The following FAM185A variants were observed in gnomAD, a reference collection of about 807,000 sequenced individuals.
The protein encoded by FAM185A is protein FAM185A.
In FAM185A, 21 loss-of-function variants were observed where a neutral mutation model predicts 45.7. The observed-to-expected ratio is 0.46, with a 90% confidence interval of 0.33 to 0.66. FAM185A has a LOEUF of 0.66. Among genes scored for constraint, FAM185A ranks in the 30% least tolerant of loss-of-function variants. The pLI is 0.03. For synonymous variants in FAM185A, 117 were observed against 194.0 expected (o/e 0.60, Z 3.30); for missense variants, 305 against 485.4 (o/e 0.63, Z 3.49).
intron 6 of FAM185A, among the ~76,000 whole-genome samples, chr7:102,778,090 G>A (rs1054115328): frequency 1.3e-5 from 2 of 152,218 alleles, no homozygotes; most frequent in African/African-American, 4.8e-5. Context: ...TAGTCTAGCA[G>A]CTCTTGCATG....
At chr7:102,776,717 A>AAAG (rs1448040916) in intron 5 of FAM185A, among the ~76,000 whole-genome samples, 1 of 151,366 alleles carries the variant, frequency 6.6e-6, no homozygotes, top group African/African-American at 2.4e-5. Context: ...AAAAAAAAAA[A>AAAG]AAGAAAAAAA....
the FAM185A span, among the ~76,000 whole-genome samples, chr7:102,837,421 T>C: frequency 6.6e-6 from 1 of 152,214 alleles, no homozygotes; most frequent in Non-Finnish European, 1.5e-5. Flanking sequence ...CCAAAGACAC[T>C]TTCATGATGA....
chr7:102,789,112 G>C (rs1448827380), intron 7 of FAM185A, among the ~76,000 whole-genome samples: 1 of 152,128 alleles, frequency 6.6e-6, no homozygotes, highest in East Asian at 1.9e-4. Context: ...ATTAGCCTTA[G>C]TTTACTGTAA....
chr7:102,771,359 T>C (rs1222002647), intron 4 of FAM185A, among the ~76,000 whole-genome samples: 1 of 152,114 alleles, frequency 6.6e-6, no homozygotes, highest in Non-Finnish European at 1.5e-5. Flanking sequence ...ATCTAAAATA[T>C]GAAAAAAAAT....
chr7:102,845,452 A>C, the FAM185A span, among the ~76,000 whole-genome samples: 1 of 152,178 alleles, frequency 6.6e-6, no homozygotes, highest in African/African-American at 2.4e-5. Flanking sequence ...TCACATACTC[A>C]CAAGAAGAGA....
intron 7 of FAM185A, among the ~76,000 whole-genome samples, chr7:102,806,705 A>G (rs1797135010): frequency 6.6e-6 from 1 of 152,200 alleles, no homozygotes; most frequent in African/African-American, 2.4e-5. Context: ...CATAACCTTG[A>G]TTTGTAAAGA....
chr7:102,807,259 G>A (rs924485589), intron 7 of FAM185A, among the ~76,000 whole-genome samples: 5 of 152,106 alleles, frequency 3.3e-5, no homozygotes, highest in Non-Finnish European at 7.4e-5. Context: ...ATTTTTGGGA[G>A]TGATGAATAT....
chr7:102,791,853 C>T (rs981390947), intron 7 of FAM185A, among the ~76,000 whole-genome samples: 1 of 151,810 alleles, frequency 6.6e-6, no homozygotes, highest in African/African-American at 2.4e-5. Context: ...CAGCCACAGG[C>T]CTTATGTATC....
chr7:102,761,016 A>G (rs1286294642), intron 3 of FAM185A, among the ~76,000 whole-genome samples: 1 of 152,230 alleles, frequency 6.6e-6, no homozygotes, highest in Non-Finnish European at 1.5e-5. Flanking sequence ...AGAATTTTAT[A>G]TAGGACATAT....
chr7:102,774,731 T>C (rs1471523336), intron 5 of FAM185A, among the ~76,000 whole-genome samples: 3 of 152,246 alleles, frequency 2.0e-5, no homozygotes, highest in African/African-American at 7.2e-5. Context: ...TGACCAACTA[T>C]ACTGACTGAT....
the FAM185A span, among the ~76,000 whole-genome samples, chr7:102,825,674 C>G: frequency 6.6e-6 from 1 of 152,106 alleles, no homozygotes; most frequent in African/African-American, 2.4e-5. Context: ...ATATAAGGAC[C>G]AGTTTCACTG....
At chr7:102,796,501 CTAAACTA>C (rs1254188960) in intron 7 of FAM185A, among the ~76,000 whole-genome samples, 2 of 152,200 alleles carry the variant, frequency 1.3e-5, no homozygotes, top group Non-Finnish European at 2.9e-5. Context: ...GGTTTCAAAG[CTAAACTA>C]TAAACTAAGT....
chr7:102,790,319 G>T (rs1238265464), intron 7 of FAM185A, among the ~76,000 whole-genome samples: 1 of 152,144 alleles, frequency 6.6e-6, no homozygotes, highest in African/African-American at 2.4e-5. Flanking sequence ...CTAGGTGATA[G>T]GAGTTTTTTA....
At chr7:102,824,357 G>C in the FAM185A span, among the ~76,000 whole-genome samples, 1 of 152,060 alleles carries the variant, frequency 6.6e-6, no homozygotes, top group South Asian at 2.1e-4. Context: ...AGCAATAATA[G>C]CAAAGGAAAG....
chr7:102,795,639 C>G (rs1796401427), intron 7 of FAM185A, among the ~76,000 whole-genome samples: 3 of 152,064 alleles, frequency 2.0e-5, no homozygotes, highest in African/African-American at 7.3e-5. Context: ...GTTCACAGGA[C>G]AAAGTACCAG....
At chr7:102,820,614 T>C in the FAM185A span, among the ~76,000 whole-genome samples, 1 of 152,228 alleles carries the variant, frequency 6.6e-6, no homozygotes. Flanking sequence ...TGGTCCATTT[T>C]GTGTTGCCAT....
the FAM185A span, among the ~76,000 whole-genome samples, chr7:102,840,756 A>G: frequency 6.6e-6 from 1 of 152,238 alleles, no homozygotes; most frequent in South Asian, 2.1e-4. Flanking sequence ...GGAATCTGAA[A>G]TTGTATCTAT....
At chr7:102,844,822 C>G in the FAM185A span, among the ~76,000 whole-genome samples, 1 of 152,124 alleles carries the variant, frequency 6.6e-6, no homozygotes, top group Non-Finnish European at 1.5e-5. Context: ...TCTGATGAAC[C>G]AGCTATATAT....
chr7:102,808,174 A>G, intron 7 of FAM185A, 116 bp from the exon 8 acceptor site: 1 of 724,232 alleles, frequency 1.4e-6, no homozygotes, highest in Non-Finnish European at 2.3e-6. Context: ...AGTTCAGACT[A>G]TCTTTACCAA....
Sources: gnomAD v4.1 joint callset for allele counts (sites outside exome capture counted in the v4.1 genomes callset) on GRCh38, gnomAD v4.1.1 for gene constraint, MANE v1.5 for transcripts, NCBI Gene and HGNC (gene_info 2026-07-23, HGNC 2026-07-21) for gene names.